The following DNAH17 variants were observed in gnomAD, a reference collection of about 807,000 sequenced individuals.
The protein encoded by DNAH17 is dynein axonemal heavy chain 17, also known as axonemal beta dynein heavy chain 17.
DNAH17 carries 376 observed loss-of-function variants against 485.6 expected under a neutral mutation model. The ratio of observed to expected loss-of-function variants is 0.77; its 90% confidence interval spans 0.71 to 0.84. The LOEUF (loss-of-function observed/expected upper bound fraction) is 0.84, where lower values mean the gene tolerates loss of function less well. Among genes scored for constraint, DNAH17 ranks in the 40% least tolerant of loss-of-function variants. DNAH17 has a pLI of 0.00. For synonymous variants in DNAH17, 3,031 were observed against 2,405.9 expected (o/e 1.26, Z -7.60); for missense variants, 6,370 against 5,839.3 (o/e 1.09, Z -2.96).
chr17:78,436,312 C>A (rs1019385337), intron 74 of DNAH17, among the ~76,000 whole-genome samples: 3 of 152,132 alleles, frequency 2.0e-5, no homozygotes, highest in African/African-American at 7.2e-5. Flanking sequence ...TCTGTAATCC[C>A]AGCTACTTGG....
Position 78,482,832 on chromosome 17 carries a change from C to T in DNAH17, c.7649+2036G>A, listed in dbSNP as rs73379442. Among the ~76,000 whole-genome samples the T allele has an allele frequency of 9.6e-3, 1,457 of 152,294 alleles. 24 individuals are homozygous for T. Among genetic ancestry groups the T allele is most frequent in the African/African-American group, 0.033 (1,376 of 41,562 alleles). ...AAAACTCAAATCTCACTCTGCCACCCCTCCTGAAGATCCTTCAGGGTAAAC... is the reference window on the plus strand; with the variant it reads ...AAAACTCAAATCTCACTCTGCCACCTCTCCTGAAGATCCTTCAGGGTAAAC... On this transcript the variant is annotated intron_variant, in intron 48 of 80. Coordinates refer to ENST00000389840, the MANE Select transcript of DNAH17 (RefSeq NM_173628.4).
At chr17:78,478,014 TCACCATCAC>T (rs373775044) in intron 51 of DNAH17, among the ~76,000 whole-genome samples, 22,479 of 115,750 alleles carry the variant, frequency 0.19, 2,527 homozygotes, top group African/African-American at 0.39. Flanking sequence ...ATCACCATCA[TCACCATCAC>T]CACCACCATC....
chr17:78,491,564 A>T lies in DNAH17; in HGVS notation c.6548T>A (p.Phe2183Tyr). Residue 2183 changes from phenylalanine to tyrosine, a missense_variant, in exon 43 of 81, where the codon TTC (phenylalanine) becomes TAC (tyrosine). Physicochemically the swap from Phe to Tyr is conservative, Grantham distance 22. Coordinates refer to ENST00000389840, the MANE Select transcript of DNAH17 (RefSeq NM_173628.4). ...GGCCAGGTCTCGCATGATGGTGGAG[A>T]ACAGGCCTGGGGGAGGCGCGTGGTA... ...PVTREWKDGL[F>Y]STIMRDLANI... is the part of the protein sequence containing the mutation. The T allele has an allele frequency of 6.2e-7, 1 of 1,613,878 alleles. No individual in the cohort carries two copies. Among genetic ancestry groups the T allele is most frequent in the Non-Finnish European group, 8.5e-7 (1 of 1,179,884 alleles).
chr17:78,445,244 G>A (rs971056417), intron 70 of DNAH17, among the ~76,000 whole-genome samples: 1 of 151,744 alleles, frequency 6.6e-6, no homozygotes, highest in African/African-American at 2.4e-5. Flanking sequence ...CTGGGGGGAG[G>A]AGGAGAGGTT....
chr17:78,485,238 G>A (rs1467533606), intron 47 of DNAH17: 3 of 686,854 alleles, frequency 4.4e-6, no homozygotes, highest in African/African-American at 1.8e-5. Flanking sequence ...CAGAGGCGAG[G>A]GTGGCAGGAA....
rs555721811 is a variant in DNAH17, at chr17:78,576,850, C to T, written c.-26+445G>A. ...ACACCCCGCAAGTTTCTTGCACGATCGGGAGGTCTCATCTCAGGCTCCCAC... is the reference window on the plus strand; with the variant it reads ...ACACCCCGCAAGTTTCTTGCACGATTGGGAGGTCTCATCTCAGGCTCCCAC... On this transcript the variant is annotated intron_variant, in intron 1 of 80. Coordinates refer to ENST00000389840, the MANE Select transcript of DNAH17 (RefSeq NM_173628.4). Among the ~76,000 whole-genome samples the T allele has an allele frequency of 1.6e-4, 24 of 152,302 alleles. 1 individual carries two copies. Among genetic ancestry groups the T allele is most frequent in the Admixed American group, 1.3e-3 (20 of 15,298 alleles).
Position 78,502,659 on chromosome 17 carries a change from C to A in DNAH17, c.5122G>T (p.Val1708Leu). ...TCTQIWWTTE[V>L]GLAFARLEEG... ...TCCAGCCTGGCAAATGCCAGGCCCA[C>A]CTCGGTCGTCCACCAGATCTGGGTG... The change falls in exon 33 of 81, where the codon GTG becomes TTG. Residue 1708 changes from valine (V) to leucine (L), a missense_variant. By Grantham distance (32) the Val-to-Leu change is conservative. Coordinates refer to ENST00000389840, the MANE Select transcript of DNAH17 (RefSeq NM_173628.4). 6.2e-7 allele frequency: 1 copy of A among 1,612,922 alleles called. No individual in the cohort carries two copies.
intron 71 of DNAH17, among the ~76,000 whole-genome samples, chr17:78,442,244 G>A (rs370780131): frequency 6.6e-6 from 1 of 152,310 alleles, no homozygotes; most frequent in South Asian, 2.1e-4. Context: ...TCACACTCAT[G>A]CCACCCAGCA....
intron 11 of DNAH17, among the ~76,000 whole-genome samples, 170 bp downstream of exon 11, chr17:78,566,444 C>T (rs996516526): frequency 9.2e-5 from 14 of 152,194 alleles, no homozygotes; most frequent in African/African-American, 3.1e-4. Context: ...TCAGGAGCTA[C>T]ACTGGGTGTT....
At chr17:78,453,575 G>T in intron 64 of DNAH17, 110 bp from the exon 65 acceptor site, 1 of 1,405,232 alleles carries the variant, frequency 7.1e-7, no homozygotes, top group Non-Finnish European at 9.6e-7. Flanking sequence ...GCCAAGCGAG[G>T]GGTGACCTAG....
At chr17:78,426,222 G>C (rs2086451562) in intron 79 of DNAH17, among the ~76,000 whole-genome samples, 1 of 148,286 alleles carries the variant, frequency 6.7e-6, no homozygotes, top group African/African-American at 2.5e-5. Flanking sequence ...TTGAGGAGGA[G>C]CTGATGGAAG....
At chr17:78,467,709 T>C (rs2088542736) in intron 55 of DNAH17, among the ~76,000 whole-genome samples, 1 of 152,120 alleles carries the variant, frequency 6.6e-6, no homozygotes, top group Non-Finnish European at 1.5e-5. Flanking sequence ...TCTGTCCTAC[T>C]AGGGGAGTTT....
At chr17:78,514,064 T>C (rs1162763856) in intron 26 of DNAH17, among the ~76,000 whole-genome samples, 1 of 152,192 alleles carries the variant, frequency 6.6e-6, no homozygotes, top group Non-Finnish European at 1.5e-5. Context: ...GCTAAGACTC[T>C]GAGTTCCTGG....
intron 17 of DNAH17, among the ~76,000 whole-genome samples, chr17:78,540,919 ATGGGTGGGTGGG>A (rs1568222557): frequency 0.5 from 2 of 4 alleles, no homozygotes; most frequent in Non-Finnish European, 0.5. Flanking sequence ...GGGTGGGTGG[ATGGGTGGGTGGG>A]TGGGTGGGTG....
intron 78 of DNAH17, 62 bp from the exon 79 acceptor site, chr17:78,426,662 C>A: frequency 6.5e-7 from 1 of 1,534,784 alleles, no homozygotes; most frequent in Non-Finnish European, 8.8e-7. Context: ...GCACCAGCCC[C>A]AGTGCGTGTC....
Position 78,428,558 on chromosome 17 carries a change from C to T in DNAH17, c.12555G>A (p.Ser4185=), listed in dbSNP as rs374711864. ...CGCGGGACACTCCCGTGCCTGCCCC[C>T]GAGTCCGTCTCTTTTGGCTGCATTT... ...VLEMQPKETD[S]GAGTGVSREE... is the part of the protein sequence containing the mutation. Residue 4185 remains serine (S), a synonymous_variant, in exon 77 of 81, where the codon TCG becomes TCA. Coordinates refer to ENST00000389840, the MANE Select transcript of DNAH17 (RefSeq NM_173628.4). 5.7e-5 allele frequency: 92 copies of T among 1,612,806 alleles called. 1 individual carries two copies. The highest frequency in any genetic ancestry group is 5.4e-4 in the Admixed American group (32 of 59,786).
chr17:78,534,319 G>A (rs1164184785), intron 19 of DNAH17, among the ~76,000 whole-genome samples: 5 of 152,234 alleles, frequency 3.3e-5, no homozygotes, highest in Admixed American at 1.3e-4. Flanking sequence ...GGGGTGGCAC[G>A]AGGAAACGGT....
At chr17:78,483,175 C>CA (rs2089426295) in intron 48 of DNAH17, among the ~76,000 whole-genome samples, 1 of 152,230 alleles carries the variant, frequency 6.6e-6, no homozygotes, top group Admixed American at 6.5e-5. Flanking sequence ...GCTCCCTCCT[C>CA]AGAGTGGCAG....
At chr17:78,500,281 C>T (rs1484391233) in intron 36 of DNAH17, 24 bp downstream of exon 36, 4 of 1,595,648 alleles carry the variant, frequency 2.5e-6, no homozygotes, top group East Asian at 2.3e-5. Flanking sequence ...CTCTGGGTCC[C>T]TCCTCCGGAC....
Sources: gnomAD v4.1 joint callset for allele counts (sites outside exome capture counted in the v4.1 genomes callset) on GRCh38, gnomAD v4.1.1 for gene constraint, MANE v1.5 for transcripts, NCBI Gene and HGNC (gene_info 2026-07-23, HGNC 2026-07-21) for gene names.